Variants in NFIB observed in about 807,000 individuals in gnomAD.
NFIB encodes nuclear factor 1 B-type.
NFIB carries 11 observed loss-of-function variants against 61.5 expected under a neutral mutation model. The ratio of observed to expected loss-of-function variants is 0.18; its 90% confidence interval spans 0.11 to 0.30. NFIB has a LOEUF of 0.30. NFIB is among the 10% of genes least tolerant of loss of function. The pLI is 1.00. For synonymous variants in NFIB, 260 were observed against 216.5 expected, an observed-to-expected ratio of 1.20 and a Z score of -1.76; for missense variants, 471 against 608.9, an observed-to-expected ratio of 0.77 and a Z score of 2.38.
At chr9:14,306,349 AT>A (rs1038272879) in intron 2 of NFIB, among the ~76,000 whole-genome samples, 9 of 152,236 alleles carry the variant, frequency 5.9e-5, no homozygotes, top group African/African-American at 2.2e-4. Context: ...AATAATTTAA[AT>A]AATAACTCAA....
chr9:14,483,036 T>C, the NFIB span, among the ~76,000 whole-genome samples: 1 of 152,160 alleles, frequency 6.6e-6, no homozygotes, highest in Non-Finnish European at 1.5e-5. Context: ...ACAATGATCG[T>C]CTTGTGCATT....
chr9:14,218,376 C>T, intron 2 of NFIB, among the ~76,000 whole-genome samples: 1 of 152,092 alleles, frequency 6.6e-6, no homozygotes, highest in East Asian at 1.9e-4. Flanking sequence ...AGTGTTTTCC[C>T]TCAAGTAGCA....
At chr9:14,234,527 G>A (rs765239607) in intron 2 of NFIB, among the ~76,000 whole-genome samples, 8 of 151,632 alleles carry the variant, frequency 5.3e-5, no homozygotes, top group African/African-American at 1.2e-4. Context: ...GCACCACCAC[G>A]CCCAGCTAAT....
At chr9:14,300,824 G>A (rs1390226365) in intron 2 of NFIB, among the ~76,000 whole-genome samples, 4 of 152,232 alleles carry the variant, frequency 2.6e-5, no homozygotes, top group South Asian at 2.1e-4. Context: ...GAAAGCAAAC[G>A]GTTTTATATA....
In NFIB at chr9:14,125,632, CACT is replaced by C; in HGVS notation, c.1057_1059del (p.Ser353del). The C allele has an allele frequency of 6.2e-7, 1 of 1,613,974 alleles. No individual in the cohort carries two copies. The highest frequency in any genetic ancestry group is 8.5e-7 in the Non-Finnish European group (1 of 1,179,924). On this transcript the variant is annotated inframe_deletion and splice_region_variant, in exon 7 of 11. Coordinates refer to ENST00000380953, the MANE Select transcript of NFIB (RefSeq NM_001190737.2). ...CTCCTCTATGCTTGAAACTCCTCAC[CACT>C]GTGTGCAACTCCAGGTATTCCGGGA...
rs749053979 is a variant in NFIB, at chr9:14,307,045, A to C, written c.506T>G (p.Ile169Ser). 3.7e-6 allele frequency: 6 copies of C among 1,614,210 alleles called. No individual in the cohort carries two copies. Among genetic ancestry groups the C allele is most frequent in the Non-Finnish European group, 4.2e-6 (5 of 1,180,034 alleles). Residue 169 changes from isoleucine to serine, a missense_variant, in exon 2 of 11, where the codon ATC becomes AGC. Around this residue, in one of 2 missense-constraint regions of NFIB, gnomAD observed 372 missense variants for 395.6 expected, o/e 0.94. Transcript: ENST00000380953. This position sits in a 1 kb window ranked among gnomAD's most constrained non-coding sequence, Gnocchi z 5.3. ...NPALCVQPHH[I>S]TVSVKELDLF... The stretch of plus-strand genomic sequence containing the variant: ...ATCAAGCTCCTTAACTGATACTGTG[A>C]TATGATGTGGCTGGACACAAAGTGC...
At chr9:14,517,012 C>G in the NFIB span, among the ~76,000 whole-genome samples, 1 of 152,194 alleles carries the variant, frequency 6.6e-6, no homozygotes, top group Non-Finnish European at 1.5e-5. Context: ...TAATGAACAA[C>G]TGTTGGCATT....
At chr9:14,381,213 A>G (rs1300528528) in intron 1 of NFIB, among the ~76,000 whole-genome samples, 1 of 151,296 alleles carries the variant, frequency 6.6e-6, no homozygotes, top group East Asian at 2.0e-4. Context: ...TCTTTTTGAG[A>G]CAGAGTCTCC....
At chr9:14,370,895 G>A (rs768806947) in intron 1 of NFIB, among the ~76,000 whole-genome samples, 89 of 152,192 alleles carry the variant, frequency 5.8e-4, no homozygotes, top group Non-Finnish European at 1.2e-3. Context: ...GGGAGTTCAA[G>A]ACCAGCCTGG....
At chr9:14,404,699 T>C in the NFIB span, among the ~76,000 whole-genome samples, 1 of 152,212 alleles carries the variant, frequency 6.6e-6, no homozygotes, top group Non-Finnish European at 1.5e-5. Context: ...TCTACAAATC[T>C]GCTTTGGGCT....
intron 5 of NFIB, among the ~76,000 whole-genome samples, chr9:14,147,978 T>G (rs957279614): frequency 5.9e-5 from 9 of 152,070 alleles, no homozygotes; most frequent in African/African-American, 2.2e-4. Context: ...ATGACTCATC[T>G]CAATGAATAA....
chr9:14,184,426 G>C (rs907150189), intron 2 of NFIB, among the ~76,000 whole-genome samples: 1 of 151,946 alleles, frequency 6.6e-6, no homozygotes, highest in African/African-American at 2.4e-5. Context: ...CTATATCTAA[G>C]TTGGAAGCAA....
chr9:14,243,023 C>T (rs1213651360), intron 2 of NFIB, among the ~76,000 whole-genome samples: 2 of 152,142 alleles, frequency 1.3e-5, no homozygotes, highest in African/African-American at 4.8e-5. Flanking sequence ...CTATATTAAA[C>T]TGCATTTATT....
At chr9:14,224,356 G>C (rs1718296659) in intron 2 of NFIB, among the ~76,000 whole-genome samples, 1 of 152,110 alleles carries the variant, frequency 6.6e-6, no homozygotes, top group African/African-American at 2.4e-5. Flanking sequence ...TAACAGCTAA[G>C]AACTAAAGAG....
At chr9:14,250,237 T>C (rs1220318563) in intron 2 of NFIB, among the ~76,000 whole-genome samples, 1 of 151,836 alleles carries the variant, frequency 6.6e-6, no homozygotes, top group East Asian at 1.9e-4. Flanking sequence ...ACAGGAAGAA[T>C]CCATTAGACA....
intron 2 of NFIB, among the ~76,000 whole-genome samples, chr9:14,209,164 T>G (rs2050055279): frequency 6.6e-6 from 1 of 152,254 alleles, no homozygotes. Flanking sequence ...AACTACTGTT[T>G]CTGACATGGA....
chr9:14,257,176 C>T (rs907615857), intron 2 of NFIB, among the ~76,000 whole-genome samples: 1 of 152,162 alleles, frequency 6.6e-6, no homozygotes, highest in Non-Finnish European at 1.5e-5. Flanking sequence ...GCTCAGGTTC[C>T]TCACCTATAA....
At chr9:14,390,497 A>T (rs2061607008) in intron 1 of NFIB, among the ~76,000 whole-genome samples, 1 of 151,686 alleles carries the variant, frequency 6.6e-6, no homozygotes, top group Non-Finnish European at 1.5e-5. Context: ...GTAAACTAAA[A>T]GAGCTCTCAA....
chr9:14,242,037 A>G (rs1236780401), intron 2 of NFIB, among the ~76,000 whole-genome samples: 3 of 152,218 alleles, frequency 2.0e-5, no homozygotes, highest in South Asian at 2.1e-4. Flanking sequence ...AAAAAATTCC[A>G]GAAGTTAAGC....
Sources: allele counts gnomAD v4.1 joint callset (sites outside exome capture counted in the v4.1 genomes callset), GRCh38; gene constraint gnomAD v4.1.1; regional missense constraint gnomAD v4.1.1; non-coding constraint Gnocchi (gnomAD v3.1); transcripts MANE v1.5; gene names NCBI Gene and HGNC (gene_info 2026-07-23, HGNC 2026-07-21).